TNKS1BP1: variants seen among roughly 807,000 people sequenced by gnomAD.
TNKS1BP1 encodes CCR4-NOT transcription complex subunit 12.
Under a neutral mutation model 141.1 loss-of-function variants are expected in TNKS1BP1, and 48 were observed. The observed-to-expected ratio is 0.34, with a 90% CI of 0.27 to 0.43. The LOEUF (loss-of-function observed/expected upper bound fraction) is 0.43, where lower values mean the gene tolerates loss of function less well. Ranked by LOEUF, TNKS1BP1 falls within the 20% of genes least tolerant of loss-of-function variation. TNKS1BP1 has a pLI of 1.00. For missense variants in TNKS1BP1, 2,149 were observed against 2,226.0 expected (o/e 0.97, Z 0.70); for synonymous variants, 875 against 898.2 (o/e 0.97, Z 0.46).
chr11:57,312,917 C>G lies in TNKS1BP1; in HGVS notation c.1771G>C (p.Glu591Gln). 1 of 1,611,550 alleles carries G rather than the reference C, an allele frequency of 6.2e-7. No individual in the cohort carries two copies. Among genetic ancestry groups the G allele is most frequent in the Non-Finnish European group, 8.5e-7 (1 of 1,178,466 alleles). Residue 591 changes from glutamate to glutamine, a missense_variant, in exon 5 of 12, where the codon GAG becomes CAG. By Grantham distance (29) the Glu-to-Gln change is conservative. Transcript: ENST00000358252. Reference sequence around the variant, plus strand: ...TGTCCAGCCAAGGGCTCCTGCGACTCGTATCTCTCCTCTGCCTGCTGCAAA... The same window carrying G: ...TGTCCAGCCAAGGGCTCCTGCGACTGGTATCTCTCCTCTGCCTGCTGCAAA... The part of the protein sequence containing the change: ...LPLQQAEERY[E>Q]SQEPLAGQES...
Position 57,313,863 on chromosome 11 carries a change from A to G in TNKS1BP1, c.825T>C (p.Ser275=). ...CTCCATTCTCTGAGGAGGGGGCTGG[A>G]CTTGAGGGAATCCAGGGCTTGGAAA... ...ADISKPWIPS[S]PAPSSENGGP... The change falls in exon 5 of 12, where the codon AGT becomes AGC. Residue 275 remains serine (S), a synonymous_variant. Transcript: ENST00000358252. 2.3e-5 allele frequency: 35 copies of G among 1,511,448 alleles called. No homozygotes were observed. Among genetic ancestry groups the G allele is most frequent in the Non-Finnish European group, 2.9e-5 (33 of 1,133,696 alleles). The allele number at this position is 1,511,448 out of a possible 1,614,324, so 93.6% of individuals were successfully genotyped here.
In TNKS1BP1 at chr11:57,321,976, A is replaced by G. The variant is rs1855894676; in HGVS notation, c.-65-26T>C. ...CTAGGAAAAGAGAGAGAAGAGAAGG[A>G]AAAAAAGAGTTGGGCGTTGCCAGTA... On this transcript the variant is annotated intron_variant, in intron 1 of 11. Coordinates refer to ENST00000358252, the MANE Select transcript of TNKS1BP1 (RefSeq NM_033396.3). The G allele has an allele frequency of 2.6e-6, 4 of 1,526,214 alleles. No homozygotes were observed. In the Admixed American group the frequency reaches 6.4e-5, roughly 24 times the overall value. 94.5% of individuals were successfully genotyped at this position (1,526,214 alleles called of 1,614,324 possible). A position where few individuals can be genotyped will look rare whatever the true frequency, so the allele number is the denominator to read the frequency against.
chr11:57,310,196 C>T lies in TNKS1BP1; in HGVS notation c.2515G>A (p.Ala839Thr). The change falls in exon 6 of 12, where the codon GCA becomes ACA. Residue 839 changes from alanine to threonine, a missense_variant. Ala to Thr is a moderately conservative substitution (Grantham distance 58). Transcript: ENST00000358252. ...AQLGTQRSQEADVQDWEFRKR... is the reference protein window; with the variant it reads ...AQLGTQRSQETDVQDWEFRKR... ...CTGAACTCCCAGTCCTGAACATCTG[C>T]CTCCTGGCTCCGCTGAGTGCCAAGC... 1 of 1,614,216 alleles carries T rather than the reference C, an allele frequency of 6.2e-7. No individual in the cohort carries two copies. The highest frequency in any genetic ancestry group is 1.3e-5 in the African/African-American group (1 of 75,048).
rs748124153 is a variant in TNKS1BP1, at chr11:57,309,805, G to A, written c.2906C>T (p.Thr969Ile). Residue 969 changes from threonine to isoleucine, a missense_variant, in exon 6 of 12, where the codon ACC (threonine) becomes ATC (isoleucine). By Grantham distance (89) the Thr-to-Ile change is moderately conservative (BLOSUM62 -1). Coordinates refer to ENST00000358252, the MANE Select transcript of TNKS1BP1 (RefSeq NM_033396.3). The surrounding 1 kb of genome is among the most constrained non-coding windows in gnomAD (Gnocchi z 4.3). Reference protein sequence around the residue: ...RDYSSGGSSRTLDAQDRSFGT... With the variant: ...RDYSSGGSSRILDAQDRSFGT... Reference sequence around the variant, plus strand: ...AAAGCTTCTGTCCTGGGCGTCAAGGGTCCTGGAGCTGCCACCACTGCTGTA... The same window carrying A: ...AAAGCTTCTGTCCTGGGCGTCAAGGATCCTGGAGCTGCCACCACTGCTGTA... 3 of 1,614,134 alleles carry A rather than the reference G, an allele frequency of 1.9e-6. No homozygotes were observed. Among genetic ancestry groups the A allele is most frequent in the South Asian group, 2.2e-5 (2 of 91,078 alleles).
At chr11:57,310,809 G>C (rs7952699) in intron 5 of TNKS1BP1, among the ~76,000 whole-genome samples, 7,767 of 152,272 alleles carry the variant, frequency 0.051, 675 homozygotes, top group African/African-American at 0.18. Flanking sequence ...ACTCAGCATA[G>C]TGCTTGGCAT....
Position 57,310,430 on chromosome 11 carries a change from C to G in TNKS1BP1, c.2281G>C (p.Ala761Pro), listed in dbSNP as rs1306094773. The part of the protein sequence containing the change: ...GASQDYGLGG[A>P]SPRGDPGLGE... Reference sequence around the variant, plus strand: ...AGACCTGGGTCTCCTCTAGGGCTTGCACCCCCAAGGCCATAGTCCTGAGAA... The same window carrying G: ...AGACCTGGGTCTCCTCTAGGGCTTGGACCCCCAAGGCCATAGTCCTGAGAA... The change falls in exon 6 of 12, where the codon GCA becomes CCA. Residue 761 changes from alanine to proline, a missense_variant. Coordinates refer to ENST00000358252, the MANE Select transcript of TNKS1BP1 (RefSeq NM_033396.3). 6 of 1,613,922 alleles carry G rather than the reference C, an allele frequency of 3.7e-6. No individual in the cohort carries two copies. The highest frequency in any genetic ancestry group is 3.3e-5 in the South Asian group (3 of 91,084).
rs1855661019 is a variant in TNKS1BP1, at chr11:57,309,110, T to TCAAGCTCAA, written c.3600_3601insTTGAGCTTG (p.Leu1198_Leu1200dup). 1 of 1,613,912 alleles carries TCAAGCTCAA rather than the reference T, an allele frequency of 6.2e-7. No individual in the cohort carries two copies. The highest frequency in any genetic ancestry group is 1.1e-5 in the South Asian group (1 of 91,076). Reference sequence around the variant, plus strand: ...AAACAGCCGGTCAGGTTCATGTCTCTCAAGCTCAGGCCACCTGACCAGCCC... The same window carrying TCAAGCTCAA: ...AAACAGCCGGTCAGGTTCATGTCTCTCAAGCTCAACAAGCTCAGGCCACCTGACCAGCCC... On this transcript the variant is annotated inframe_insertion, in exon 6 of 12. Coordinates refer to ENST00000358252, the MANE Select transcript of TNKS1BP1 (RefSeq NM_033396.3). The surrounding 1 kb of genome is among the most constrained non-coding windows in gnomAD (Gnocchi z 4.3).
Position 57,324,900 on chromosome 11 carries a change from C to T in TNKS1BP1, c.-126G>A. 2.0e-6 allele frequency: 2 copies of T among 982,904 alleles called. No homozygotes were observed. Among genetic ancestry groups the T allele is most frequent in the Non-Finnish European group, 2.4e-6 (2 of 827,122 alleles). 60.9% of individuals were successfully genotyped at this position (982,904 alleles called of 1,614,324 possible). A position where few individuals can be genotyped will look rare whatever the true frequency, so the allele number is the denominator to read the frequency against. On this transcript the variant is annotated 5_prime_UTR_variant, in exon 1 of 12. Coordinates refer to ENST00000358252, the MANE Select transcript of TNKS1BP1 (RefSeq NM_033396.3). ...GCCCCGATGCCAGTCCCCGCCGCCG[C>T]CGCCGCTGCTACCGCCGCCGCCGCC...
Position 57,299,938 on chromosome 11 carries a change from G to A in TNKS1BP1, c.*156C>T, listed in dbSNP as rs1855499871. The A allele has an allele frequency of 6.5e-6, 1 of 154,586 alleles. No individual in the cohort carries two copies. Among genetic ancestry groups the A allele is most frequent in the Non-Finnish European group, 1.5e-5 (1 of 68,322 alleles). The allele number at this position is 154,586 out of a possible 1,614,324, so 9.6% of individuals were successfully genotyped here. ...GGGGGAGTTCGGAGGGTGATACAAA[G>A]TGCATAAATGTGCCTCCCCAGACGC... is the stretch of plus-strand genomic sequence containing the variant. On this transcript the variant is annotated 3_prime_UTR_variant, in exon 12 of 12. Transcript: ENST00000358252.
intron 8 of TNKS1BP1, 49 bp from the exon 9 acceptor site, chr11:57,301,992 C>G (rs369574880): frequency 1.4e-5 from 22 of 1,608,658 alleles, no homozygotes; most frequent in Non-Finnish European, 1.8e-5. Context: ...CACCCAGACT[C>G]CCCGAACCCA....
intron 4 of TNKS1BP1, 110 bp downstream of exon 4, chr11:57,317,708 A>G (rs1855819092): frequency 5.1e-6 from 6 of 1,172,516 alleles, no homozygotes; most frequent in Admixed American, 4.1e-5. Context: ...CACTCTCCCC[A>G]TGGGCCTCAG....
At chr11:57,315,831 T>G (rs1256396050) in intron 4 of TNKS1BP1, among the ~76,000 whole-genome samples, 8 of 151,270 alleles carry the variant, frequency 5.3e-5, no homozygotes, top group African/African-American at 1.9e-4. Flanking sequence ...TATCAGGCAC[T>G]GTCCTCGCTT....
intron 11 of TNKS1BP1, 131 bp downstream of exon 11, chr11:57,300,397 G>A: frequency 3.8e-6 from 3 of 779,680 alleles, no homozygotes; most frequent in Non-Finnish European, 6.3e-6. Context: ...TCTGGAGCTT[G>A]GCTTCACCTG....
intron 4 of TNKS1BP1, among the ~76,000 whole-genome samples, chr11:57,316,547 G>A (rs747830445): frequency 2.0e-5 from 3 of 152,052 alleles, no homozygotes; most frequent in Non-Finnish European, 4.4e-5. Flanking sequence ...TCCCCGTCTC[G>A]GCAACCATAA....
chr11:57,301,999 C>A, intron 8 of TNKS1BP1, 56 bp from the exon 9 acceptor site: 2 of 1,606,026 alleles, frequency 1.2e-6, no homozygotes, highest in East Asian at 4.5e-5. Flanking sequence ...ACTCCCCGAA[C>A]CCATAACCCC....
At chr11:57,311,362 A>T in intron 5 of TNKS1BP1, 1 of 985,730 alleles carries the variant, frequency 1.0e-6, no homozygotes, top group Non-Finnish European at 1.2e-6. Context: ...AGGCTGGGCC[A>T]TGGCCCCCCG....
At chr11:57,319,584 G>C (rs1171990380) in intron 3 of TNKS1BP1, among the ~76,000 whole-genome samples, 4 of 152,036 alleles carry the variant, frequency 2.6e-5, no homozygotes, top group African/African-American at 9.7e-5. Context: ...GGCCAACAGG[G>C]TGAAACCCCA....
chr11:57,305,529 C>A (rs1855596093), intron 6 of TNKS1BP1, among the ~76,000 whole-genome samples: 1 of 152,052 alleles, frequency 6.6e-6, no homozygotes, highest in African/African-American at 2.4e-5. Flanking sequence ...AACTACAAAA[C>A]GTGAATATCC....
At chr11:57,305,112 C>G (rs1855588893) in intron 6 of TNKS1BP1, among the ~76,000 whole-genome samples, 1 of 152,130 alleles carries the variant, frequency 6.6e-6, no homozygotes, top group Non-Finnish European at 1.5e-5. Context: ...GAGCCCCTCC[C>G]GGCATGGGAG....
Sources: gnomAD v4.1 joint callset for allele counts (sites outside exome capture counted in the v4.1 genomes callset) on GRCh38, gnomAD v4.1.1 for gene constraint, Gnocchi (gnomAD v3.1) non-coding constraint, MANE v1.5 for transcripts, NCBI Gene and HGNC (gene_info 2026-07-23, HGNC 2026-07-21) for gene names.